The following USH2A variants were observed in gnomAD, a reference collection of about 807,000 sequenced individuals.
USH2A encodes the protein Usher syndrome 2A (autosomal recessive, mild).
In USH2A, 443 loss-of-function variants were observed where a neutral mutation model predicts 538.9. The ratio of observed to expected loss-of-function variants is 0.82; its 90% CI spans 0.76 to 0.89. The LOEUF is 0.89. Ranked by LOEUF, USH2A falls within the 40% of genes least tolerant of loss-of-function variation. The probability of loss-of-function intolerance (pLI) is 0.00; values close to 1 mark genes in which losing one functional copy is unlikely to be tolerated. For missense variants in USH2A, 6,633 were observed against 6,324.8 expected (o/e 1.05, Z -1.65); for synonymous variants, 2,413 against 2,273.5 (o/e 1.06, Z -1.75).
At chr1:215,884,954 C>T (rs1665007864) in intron 41 of USH2A, among the ~76,000 whole-genome samples, 2 of 152,098 alleles carry the variant, frequency 1.3e-5, no homozygotes, top group South Asian at 4.1e-4. Flanking sequence ...TCTGCTTCAC[C>T]TGTGAAAAAG....
intron 44 of USH2A, among the ~76,000 whole-genome samples, chr1:215,854,878 G>A (rs1664117961): frequency 6.6e-6 from 1 of 152,232 alleles, no homozygotes; most frequent in South Asian, 2.1e-4. Flanking sequence ...GAGCCACTAT[G>A]TTGAACATGC....
chr1:216,328,489 ATTGT>A (rs1407129006), intron 4 of USH2A, among the ~76,000 whole-genome samples: 5 of 152,112 alleles, frequency 3.3e-5, no homozygotes, highest in Non-Finnish European at 7.4e-5. Flanking sequence ...TATTTCAATA[ATTGT>A]TTATTTCAAT....
rs781448190 is a variant in USH2A at position 216,058,629 on chromosome 1, A to G, written c.6050-9982T>C. 1.1e-4 allele frequency among the ~76,000 whole-genome samples: 14 copies of G among 127,000 alleles called. 2 individuals carry two copies. Among genetic ancestry groups the G allele is most frequent in the Non-Finnish European group, 1.9e-4 (11 of 58,486 alleles). The allele number at this position is 127,000 out of a possible 152,430, so 83.3% of individuals were successfully genotyped here. On this transcript the variant is annotated intron_variant, in intron 30 of 71. Coordinates refer to ENST00000307340, the MANE Select transcript of USH2A (RefSeq NM_206933.4). Reference sequence around the variant, plus strand: ...TACCCTACCAACATATTTTTTTTCTATTGGGAAATGTGTATTAAGTTCCAA... The same window carrying G: ...TACCCTACCAACATATTTTTTTTCTGTTGGGAAATGTGTATTAAGTTCCAA...
intron 3 of USH2A, among the ~76,000 whole-genome samples, chr1:216,386,298 C>T (rs1432502958): frequency 2.0e-5 from 3 of 151,564 alleles, no homozygotes; most frequent in Admixed American, 2.0e-4. Flanking sequence ...GAGATTGAGA[C>T]CATCCTGGCT....
At chr1:216,295,260 G>A (rs2037082224) in intron 9 of USH2A, among the ~76,000 whole-genome samples, 1 of 151,672 alleles carries the variant, frequency 6.6e-6, no homozygotes, top group Admixed American at 6.6e-5. Context: ...TTAATTGTTT[G>A]ACCTATTGAA....
intron 2 of USH2A, among the ~76,000 whole-genome samples, chr1:216,421,346 A>G (rs972912430): frequency 2.0e-5 from 3 of 152,146 alleles, no homozygotes; most frequent in Non-Finnish European, 4.4e-5. Flanking sequence ...TTCAATTTAT[A>G]TTACTGAACA....
intron 47 of USH2A, among the ~76,000 whole-genome samples, chr1:215,835,723 C>T (rs1663459920): frequency 6.6e-6 from 1 of 152,124 alleles, no homozygotes; most frequent in South Asian, 2.1e-4. Flanking sequence ...TGCTCAGCCT[C>T]TCCAGTTCTC....
chr1:215,816,272 A>G (rs747695008), intron 48 of USH2A, among the ~76,000 whole-genome samples: 121 of 152,242 alleles, frequency 7.9e-4, no homozygotes, highest in Non-Finnish European at 1.5e-3. Context: ...AAAAATGCAC[A>G]GTTAGTAACT....
At chr1:215,715,184 T>C (rs1439233942) in intron 61 of USH2A, among the ~76,000 whole-genome samples, 2 of 152,164 alleles carry the variant, frequency 1.3e-5, no homozygotes, top group Admixed American at 6.5e-5. Context: ...TTCCCCTCCC[T>C]GTGTCCATGT....
At chr1:216,039,954 A>C (rs1490260095) in intron 32 of USH2A, among the ~76,000 whole-genome samples, 1 of 151,692 alleles carries the variant, frequency 6.6e-6, no homozygotes, top group Non-Finnish European at 1.5e-5. Context: ...ATTATTGCCT[A>C]TATGATTTTA....
At chr1:215,984,870 C>A (rs1248323733) in intron 35 of USH2A, among the ~76,000 whole-genome samples, 2 of 152,154 alleles carry the variant, frequency 1.3e-5, no homozygotes, top group Non-Finnish European at 2.9e-5. Flanking sequence ...TTGAATGTGG[C>A]AGATATCTCC....
At chr1:216,401,786 T>TTTAAA (rs1292289877) in intron 3 of USH2A, among the ~76,000 whole-genome samples, 1 of 152,028 alleles carries the variant, frequency 6.6e-6, no homozygotes, top group African/African-American at 2.4e-5. Context: ...ACAACAGAAC[T>TTTAAA]TTAACATGCA....
At position 215,910,716 on chromosome 1, in the gene USH2A, TTAAG is replaced by T. The variant is rs139410027; in HGVS notation, c.7301-9815_7301-9812del. Among the ~76,000 whole-genome samples the T allele has an allele frequency of 1.0e-3, 154 of 152,044 alleles. No homozygotes were observed. The Middle Eastern group carries it at 0.014, about 14-fold the overall frequency. ...TAGTAACATCAATCAAAGTATCTTC[TTAAG>T]TATCACTAAGTCATTTAATGTATCC... is the stretch of plus-strand genomic sequence containing the variant. On this transcript the variant is annotated intron_variant, in intron 38 of 71. Transcript: ENST00000307340.
intron 49 of USH2A, among the ~76,000 whole-genome samples, chr1:215,806,990 G>A (rs1662524386): frequency 6.6e-6 from 1 of 151,988 alleles, no homozygotes; most frequent in African/African-American, 2.4e-5. Context: ...ACCATGGTAA[G>A]CACAACATGG....
chr1:215,905,031 C>T (rs929302724), intron 38 of USH2A, among the ~76,000 whole-genome samples: 3 of 151,946 alleles, frequency 2.0e-5, no homozygotes, highest in African/African-American at 7.3e-5. Context: ...CTAAACTTCT[C>T]TAAGAAAACA....
At chr1:216,259,431 C>A in intron 11 of USH2A, among the ~76,000 whole-genome samples, 1 of 151,930 alleles carries the variant, frequency 6.6e-6, no homozygotes. Context: ...GATGTTGCTG[C>A]CAAATACAGT....
chr1:216,055,757 C>A (rs996968489), intron 30 of USH2A, among the ~76,000 whole-genome samples: 16 of 152,138 alleles, frequency 1.1e-4, no homozygotes, highest in African/African-American at 3.9e-4. Flanking sequence ...AAAATAAGGA[C>A]TTCTAATATT....
chr1:216,377,039 G>A (rs1415632991), intron 3 of USH2A, among the ~76,000 whole-genome samples: 1 of 152,030 alleles, frequency 6.6e-6, no homozygotes, highest in Non-Finnish European at 1.5e-5. Context: ...GCCATTTTGT[G>A]TCTTCTTAGA....
chr1:216,325,392 A>G lies in USH2A; in HGVS notation c.1056T>C (p.Thr352=). The change falls in exon 6 of 72, where the codon ACT becomes ACC. Residue 352 remains threonine (T), a synonymous_variant. Coordinates refer to ENST00000307340, the MANE Select transcript of USH2A (RefSeq NM_206933.4). ...LSFVNDNDVG[T]SWVSNVFTNI... Reference sequence around the variant, plus strand: ...TTGTAAACACATTTGAAACCCATGAAGTACCAACATCATTATCATTGACAA... The same window carrying G: ...TTGTAAACACATTTGAAACCCATGAGGTACCAACATCATTATCATTGACAA... The G allele has an allele frequency of 1.2e-6, 2 of 1,613,926 alleles. No individual in the cohort carries two copies. Among genetic ancestry groups the G allele is most frequent in the Non-Finnish European group, 1.7e-6 (2 of 1,179,890 alleles).
Sources: allele counts gnomAD v4.1 joint callset (sites outside exome capture counted in the v4.1 genomes callset), GRCh38; gene constraint gnomAD v4.1.1; transcripts MANE v1.5; gene names NCBI Gene and HGNC (gene_info 2026-07-23, HGNC 2026-07-21).